The following SYN3 variants were observed in gnomAD, a reference collection of about 807,000 sequenced individuals.
SYN3 encodes the protein synapsin III, also known as synapsin-3.
In SYN3, 35 loss-of-function variants were observed where a neutral mutation model predicts 65.8. The observed-to-expected ratio is 0.53, with a 90% CI of 0.41 to 0.70. SYN3 has a LOEUF of 0.70. SYN3 is among the 30% of genes least tolerant of loss of function. SYN3 has a pLI of 0.00. For missense variants in SYN3, 680 were observed against 749.0 expected, an observed-to-expected ratio of 0.91 and a Z score of 1.08; for synonymous variants, 270 against 292.9, an observed-to-expected ratio of 0.92 and a Z score of 0.80.
In SYN3 at chr22:32,743,052, T is replaced by G. The variant is rs190476354; in HGVS notation, c.711+121863A>C. On this transcript the variant is annotated intron_variant, in intron 6 of 13. Transcript: ENST00000358763. ...TTCAATAATAGTGAATAATAACAAA[T>G]CAATGAAAACCTTGAAGTAATTGAA... 1.9e-3 allele frequency among the ~76,000 whole-genome samples: 282 copies of G among 152,304 alleles called. 4 individuals are homozygous for G. Among genetic ancestry groups the G allele is most frequent in the Non-Finnish European group, 2.7e-3 (184 of 68,036 alleles).
chr22:32,879,810 C>A (rs1204661034), intron 4 of SYN3, among the ~76,000 whole-genome samples: 1 of 152,134 alleles, frequency 6.6e-6, no homozygotes, highest in Non-Finnish European at 1.5e-5. Context: ...TTCTCAGAGT[C>A]CTGGTCCATA....
chr22:32,989,416 G>A (rs1049361133), intron 2 of SYN3, among the ~76,000 whole-genome samples: 11 of 152,192 alleles, frequency 7.2e-5, no homozygotes, highest in African/African-American at 2.7e-4. Context: ...CTCTCCAAGA[G>A]GAGGTAGATG....
chr22:32,538,054 T>C lies in SYN3; in HGVS notation c.974A>G (p.Gln325Arg). 6.2e-7 allele frequency: 1 copy of C among 1,614,202 alleles called. No individual in the cohort carries two copies. The highest frequency in any genetic ancestry group is 8.5e-7 in the Non-Finnish European group (1 of 1,180,024). Residue 325 changes from glutamine (Q) to arginine (R), a missense_variant, in exon 9 of 14, where the codon CAG becomes CGG. By Grantham distance (43) the Gln-to-Arg change is conservative. Coordinates refer to ENST00000358763, the MANE Select transcript of SYN3 (RefSeq NM_003490.4). ...KANTGSAMLEQVAMTERYRLW... is the reference protein window; with the variant it reads ...KANTGSAMLERVAMTERYRLW... ...CTCTTACCTCTCTGTCATGGCCACCTGCTCCAGCATGGCAGAGCCTGTGTT... is the reference window on the plus strand; with the variant it reads ...CTCTTACCTCTCTGTCATGGCCACCCGCTCCAGCATGGCAGAGCCTGTGTT...
chr22:32,606,512 T>C (rs946415402), intron 6 of SYN3, among the ~76,000 whole-genome samples: 1 of 152,178 alleles, frequency 6.6e-6, no homozygotes, highest in Non-Finnish European at 1.5e-5. Context: ...TTGTGACAAA[T>C]CTACCAAATG....
At chr22:32,577,780 C>T (rs780554527) in intron 7 of SYN3, among the ~76,000 whole-genome samples, 30 of 152,302 alleles carry the variant, frequency 2.0e-4, no homozygotes, top group African/African-American at 6.5e-4. Flanking sequence ...CCAGGGCCTT[C>T]GTCTGTGCTG....
rs2057724761 is a variant in SYN3, at chr22:32,513,792, G to A, written c.1643C>T (p.Thr548Ile). The change falls in exon 14 of 14, where the codon ACA becomes ATA. Residue 548 changes from threonine (T) to isoleucine (I), a missense_variant. Transcript: ENST00000358763. Reference protein sequence around the residue: ...KSQSLTNSLSTSDTSQRGTPS... With the variant: ...KSQSLTNSLSISDTSQRGTPS... ...GGTCCCACGCTGGGAGGTGTCGGAT[G>A]TGCTGAGGCTGTTAGTCAGGGACTG... The A allele has an allele frequency of 1.2e-6, 2 of 1,614,080 alleles. No homozygotes were observed. Among genetic ancestry groups the A allele is most frequent in the South Asian group, 1.1e-5 (1 of 91,082 alleles).
At chr22:32,594,518 A>G (rs1003290118) in intron 7 of SYN3, among the ~76,000 whole-genome samples, 3 of 144,216 alleles carry the variant, frequency 2.1e-5, no homozygotes, top group African/African-American at 7.8e-5. Context: ...ACTGAATTTC[A>G]CTCTTGTTGC....
At chr22:32,649,720 G>A (rs1453645692) in intron 6 of SYN3, among the ~76,000 whole-genome samples, 1 of 152,208 alleles carries the variant, frequency 6.6e-6, no homozygotes, top group African/African-American at 2.4e-5. Flanking sequence ...GACAACACAG[G>A]ATGACTCAGG....
At chr22:32,664,514 C>A (rs928122308) in intron 6 of SYN3, among the ~76,000 whole-genome samples, 1 of 148,342 alleles carries the variant, frequency 6.7e-6, no homozygotes, top group East Asian at 2.0e-4. Flanking sequence ...TGAATGAGTC[C>A]TTTAGTGGTG....
intron 3 of SYN3, among the ~76,000 whole-genome samples, chr22:32,960,439 G>A (rs1242340584): frequency 6.6e-6 from 1 of 152,050 alleles, no homozygotes; most frequent in Non-Finnish European, 1.5e-5. Context: ...AAAAGCTCTC[G>A]CCCACATCTC....
intron 3 of SYN3, among the ~76,000 whole-genome samples, chr22:32,950,649 A>G (rs2051262183): frequency 6.6e-6 from 1 of 152,172 alleles, no homozygotes; most frequent in Non-Finnish European, 1.5e-5. Context: ...TTGAGTAAGA[A>G]CAGCCACATA....
chr22:32,576,942 A>G (rs1470219963), intron 7 of SYN3, among the ~76,000 whole-genome samples: 3 of 151,768 alleles, frequency 2.0e-5, no homozygotes, highest in African/African-American at 7.3e-5. Flanking sequence ...TGTATTCTAG[A>G]GTGTAGCATG....
At chr22:32,744,042 C>A (rs767267247) in intron 6 of SYN3, among the ~76,000 whole-genome samples, 2 of 152,100 alleles carry the variant, frequency 1.3e-5, no homozygotes, top group Non-Finnish European at 2.9e-5. Context: ...ATGATGACCC[C>A]TTTCGTGCCC....
chr22:33,013,272 C>A (rs1048510513), intron 1 of SYN3, among the ~76,000 whole-genome samples: 10 of 152,100 alleles, frequency 6.6e-5, no homozygotes, highest in African/African-American at 1.7e-4. Context: ...TACAGGCTGG[C>A]AAAGGGAGGC....
At chr22:32,815,248 T>G (rs998062255) in intron 6 of SYN3, among the ~76,000 whole-genome samples, 1 of 152,244 alleles carries the variant, frequency 6.6e-6, no homozygotes, top group African/African-American at 2.4e-5. Flanking sequence ...CTGACAGCTT[T>G]GCTGCAAGTA....
intron 6 of SYN3, among the ~76,000 whole-genome samples, chr22:32,753,266 T>C (rs1283708282): frequency 6.6e-6 from 1 of 152,178 alleles, no homozygotes; most frequent in African/African-American, 2.4e-5. Flanking sequence ...ACAGATCCCA[T>C]GACTCCAAGT....
chr22:32,547,152 T>C (rs2058348077), intron 7 of SYN3, among the ~76,000 whole-genome samples: 1 of 151,938 alleles, frequency 6.6e-6, no homozygotes, highest in Non-Finnish European at 1.5e-5. Flanking sequence ...TGTTTTTTCT[T>C]TGTCGTATTT....
Position 33,009,423 on chromosome 22 carries a change from A to C in SYN3, c.-162-2599T>G, listed in dbSNP as rs371543496. The stretch of plus-strand genomic sequence containing the variant: ...GCCAGTGACATATCTTCTTTTGTGG[A>C]TATCTATTCAAATCTTTGGCCCATT... On this transcript the variant is annotated intron_variant, in intron 1 of 13. Coordinates refer to ENST00000358763, the MANE Select transcript of SYN3 (RefSeq NM_003490.4). 7.2e-5 allele frequency among the ~76,000 whole-genome samples: 11 copies of C among 152,172 alleles called. No homozygotes were observed. The South Asian group carries it at 2.3e-3, about 32-fold the overall frequency.
At chr22:32,890,462 G>A (rs890766267) in intron 4 of SYN3, among the ~76,000 whole-genome samples, 5 of 151,588 alleles carry the variant, frequency 3.3e-5, no homozygotes, top group African/African-American at 1.2e-4. Context: ...CTCATTGCAA[G>A]CTCCGCCTCC....
Sources: gnomAD v4.1 joint callset for allele counts (sites outside exome capture counted in the v4.1 genomes callset) on GRCh38, gnomAD v4.1.1 for gene constraint, MANE v1.5 for transcripts, NCBI Gene and HGNC (gene_info 2026-07-23, HGNC 2026-07-21) for gene names.